Variants in KSR1 observed in about 807,000 individuals in gnomAD.
KSR1 encodes the protein kinase suppressor of ras 1.
Under a neutral mutation model 92.9 loss-of-function variants are expected in KSR1, and 35 were observed. That is an observed-to-expected ratio of 0.38 (90% CI 0.29 to 0.50). KSR1 has a LOEUF of 0.50. KSR1 is among the 20% of genes least tolerant of loss of function. The pLI is 0.94. For missense variants in KSR1, 972 were observed against 1,158.5 expected (o/e 0.84, Z 2.34); for synonymous variants, 467 against 472.6 (o/e 0.99, Z 0.15).
chr17:27,551,940 G>GATAAACGCCAGATGC (rs2071411900), intron 2 of KSR1, among the ~76,000 whole-genome samples: 1 of 152,048 alleles, frequency 6.6e-6, no homozygotes, highest in Non-Finnish European at 1.5e-5. Flanking sequence ...TTTCCTTCAG[G>GATAAACGCCAGATGC]ATAAACGCCA....
Position 27,485,088 on chromosome 17 carries a change from C to G in KSR1, c.231+28214C>G, listed in dbSNP as rs1477291314. On this transcript the variant is annotated intron_variant, in intron 1 of 20. Transcript: ENST00000644974. ...TGGCTTCCTATACCTGGCCCACTTC[C>G]CCAGCCTGGCAACACTGCCCCTGCC... Among the ~76,000 whole-genome samples, 3 of 152,320 alleles carry G rather than the reference C, an allele frequency of 2.0e-5. No homozygotes were observed. In the East Asian group the frequency reaches 5.8e-4, roughly 29 times the overall value.
chr17:27,531,207 A>T (rs1473031323), intron 1 of KSR1, among the ~76,000 whole-genome samples: 1 of 152,178 alleles, frequency 6.6e-6, no homozygotes, highest in Non-Finnish European at 1.5e-5. Flanking sequence ...CAATATGTTG[A>T]GAAACAGCTT....
At chr17:27,516,786 A>G (rs1356881539) in intron 1 of KSR1, among the ~76,000 whole-genome samples, 1 of 152,198 alleles carries the variant, frequency 6.6e-6, no homozygotes, top group African/African-American at 2.4e-5. Context: ...GACCCATGAC[A>G]GCTTCAGGAG....
chr17:27,624,516 T>G lies in KSR1; in HGVS notation c.*1124T>G, dbSNP rs1424889289. 6.6e-6 allele frequency: 1 copy of G among 152,202 alleles called. No individual in the cohort carries two copies. Among genetic ancestry groups the G allele is most frequent in the East Asian group, 1.9e-4 (1 of 5,182 alleles). The allele number at this position is 152,202 out of a possible 1,614,324, so 9.4% of individuals were successfully genotyped here. A position where few individuals can be genotyped will look rare whatever the true frequency, so the allele number is the denominator to read the frequency against. On this transcript the variant is annotated 3_prime_UTR_variant, in exon 21 of 21. Transcript: ENST00000644974. ...TGGCCCCCATCTGCAGAGCCTTCCT[T>G]AGCACCATTAGGCCTTCTACTTGTG... is the stretch of plus-strand genomic sequence containing the variant.
intron 17 of KSR1, 62 bp downstream of exon 17, chr17:27,610,260 T>C (rs550621223): frequency 6.8e-5 from 109 of 1,607,482 alleles, no homozygotes; most frequent in Middle Eastern, 5.0e-4. Context: ...CTGGTGGCCA[T>C]TGGGGGCAGA....
At chr17:27,601,238 G>C in intron 10 of KSR1, 122 bp from the exon 11 acceptor site, 2 of 803,370 alleles carry the variant, frequency 2.5e-6, no homozygotes, top group Non-Finnish European at 2.1e-6. Context: ...AGGTCCATCT[G>C]GGGTAGGGCT....
chr17:27,609,126 A>G, intron 15 of KSR1, 70 bp from the exon 16 acceptor site: 1 of 1,515,992 alleles, frequency 6.6e-7, no homozygotes, highest in Non-Finnish European at 9.0e-7. Flanking sequence ...GGATTTAGGT[A>G]AATCATCCAG....
At position 27,589,779 on chromosome 17, in the gene KSR1, T is replaced by G. The variant is rs544008406; in HGVS notation, c.1047-1032T>G. ...TCAAATCTATCTTTCGTGTTTTCTT[T>G]AATGTTCTACATTTTGGATTGAAAA... On this transcript the variant is annotated intron_variant, in intron 6 of 20. Transcript: ENST00000644974. Among the ~76,000 whole-genome samples the G allele has an allele frequency of 8.9e-4, 135 of 152,352 alleles. 2 individuals carry two copies. The Middle Eastern group carries it at 0.01, about 12-fold the overall frequency.
At chr17:27,553,402 T>G (rs564261970) in intron 2 of KSR1, among the ~76,000 whole-genome samples, 3 of 152,246 alleles carry the variant, frequency 2.0e-5, no homozygotes, top group African/African-American at 7.2e-5. Context: ...TCAAGAGAGA[T>G]AGCGGGAGTC....
chr17:27,613,692 G>A (rs1332271209), intron 18 of KSR1, among the ~76,000 whole-genome samples: 1 of 152,240 alleles, frequency 6.6e-6, no homozygotes, highest in Non-Finnish European at 1.5e-5. Context: ...TCTGCCTCCT[G>A]CAACTGTCAG....
intron 5 of KSR1, among the ~76,000 whole-genome samples, chr17:27,586,821 A>G (rs527571411): frequency 1.1e-4 from 16 of 152,326 alleles, no homozygotes; most frequent in African/African-American, 3.4e-4. Flanking sequence ...AAGTTCCAAC[A>G]TAGTCTGTTT....
intron 1 of KSR1, among the ~76,000 whole-genome samples, chr17:27,487,177 G>A (rs958735449): frequency 5.9e-5 from 9 of 152,366 alleles, no homozygotes; most frequent in Admixed American, 2.6e-4. Context: ...GCTCACGCCT[G>A]TAATCTTAGC....
In KSR1 at chr17:27,580,235, A is replaced by G. The variant is rs546133928; in HGVS notation, c.521-2411A>G. 5.9e-5 allele frequency among the ~76,000 whole-genome samples: 9 copies of G among 152,298 alleles called. No homozygotes were observed. The South Asian group carries it at 1.2e-3, about 21-fold the overall frequency. ...AAATTCATCCTTTCATCTGCTCAAT[A>G]AGAAACCTGTTTGGTGCCTCCAGTA... On this transcript the variant is annotated intron_variant, in intron 3 of 20. Transcript: ENST00000644974.
In KSR1 at chr17:27,577,320, G is replaced by C; in HGVS notation, c.373-172G>C. 7.0e-6 allele frequency: 4 copies of C among 570,654 alleles called. No individual in the cohort carries two copies. In the South Asian group the frequency reaches 8.3e-5, roughly 12 times the overall value. 35.3% of individuals were successfully genotyped at this position (570,654 alleles called of 1,614,324 possible). A position where few individuals can be genotyped will look rare whatever the true frequency, so the allele number is the denominator to read the frequency against. ...GCTGCTGTCTCTGGGAGCCTGGAGG[G>C]TGGGGGCCAGGGAGCTCTGCTTGTG... On this transcript the variant is annotated intron_variant, in intron 2 of 20. Coordinates refer to ENST00000644974, the MANE Select transcript of KSR1 (RefSeq NM_001394583.1). The surrounding 1 kb of genome is among the most constrained non-coding windows in gnomAD (Gnocchi z 4.5).
intron 14 of KSR1, 39 bp downstream of exon 14, chr17:27,605,852 C>G (rs769178747): frequency 3.7e-6 from 6 of 1,606,798 alleles, no homozygotes; most frequent in Non-Finnish European, 4.2e-6. Context: ...ATGGCCAGCT[C>G]AGCCTCCCCC....
chr17:27,480,403 T>C (rs8069063), intron 1 of KSR1, among the ~76,000 whole-genome samples: 74,630 of 151,950 alleles, frequency 0.49, 19,490 homozygotes, highest in East Asian at 0.69. Flanking sequence ...TTCTTTTCTT[T>C]TTTTAAATTT....
chr17:27,588,339 C>G, intron 5 of KSR1, 136 bp from the exon 6 acceptor site: 1 of 659,932 alleles, frequency 1.5e-6, no homozygotes, highest in South Asian at 2.5e-5. Flanking sequence ...TGTTGATGGA[C>G]ATAGATCAGG....
chr17:27,601,461 A>C (rs1598122989), intron 11 of KSR1, 60 bp downstream of exon 11: 5 of 1,487,068 alleles, frequency 3.4e-6, no homozygotes, highest in Non-Finnish European at 4.7e-6. Flanking sequence ...TGTCCTGCCC[A>C]CCTGGGCAGG....
At chr17:27,622,124 C>T (rs2074240673) in intron 20 of KSR1, 1 of 622,506 alleles carries the variant, frequency 1.6e-6, no homozygotes, top group Non-Finnish European at 2.9e-6. Flanking sequence ...GCCCTCTCCA[C>T]GTGGCCTGCA....
Sources: gnomAD v4.1 joint callset for allele counts (sites outside exome capture counted in the v4.1 genomes callset) on GRCh38, gnomAD v4.1.1 for gene constraint, Gnocchi (gnomAD v3.1) non-coding constraint, MANE v1.5 for transcripts, NCBI Gene and HGNC (gene_info 2026-07-23, HGNC 2026-07-21) for gene names.